The following ANKRD39 variants were observed in gnomAD, a reference collection of about 807,000 sequenced individuals.
ANKRD39 encodes ankyrin repeat domain 39.
ANKRD39 carries 18 observed loss-of-function variants against 20.3 expected under a neutral mutation model. The ratio of observed to expected loss-of-function variants is 0.89; its 90% CI spans 0.61 to 1.32. The LOEUF is 1.32. ANKRD39 is among the 40% of genes most tolerant of loss of function. The pLI, the probability that ANKRD39 is intolerant of heterozygous loss-of-function variation, is 0.00. For synonymous variants in ANKRD39, 106 were observed against 111.9 expected (o/e 0.95, Z 0.33); for missense variants, 243 against 250.7 (o/e 0.97, Z 0.21).
intron 1 of ANKRD39, among the ~76,000 whole-genome samples, chr2:96,857,615 G>A (rs967640673): frequency 6.6e-6 from 1 of 152,260 alleles, no homozygotes; most frequent in African/African-American, 2.4e-5. Flanking sequence ...TCTCCCAGGG[G>A]AGGTCGTCCC....
chr2:96,853,692 C>T lies in ANKRD39; in HGVS notation c.205-88G>A, dbSNP rs1370230357. 5.3e-6 allele frequency: 7 copies of T among 1,332,186 alleles called. No homozygotes were observed. In the East Asian group the frequency reaches 7.6e-5, roughly 14 times the overall value. 82.5% of individuals were successfully genotyped at this position (1,332,186 alleles called of 1,614,324 possible). A position where few individuals can be genotyped will look rare whatever the true frequency, so the allele number is the denominator to read the frequency against. On this transcript the variant is annotated intron_variant, in intron 2 of 3. Coordinates refer to ENST00000393537, the MANE Select transcript of ANKRD39 (RefSeq NM_016466.6). ...AGGTGAGAGCATGGCCTCCCTGCAG[C>T]GAGGGGCCTGGAATCATCTCAGGTG...
intron 1 of ANKRD39, among the ~76,000 whole-genome samples, chr2:96,855,994 A>C (rs774220945): frequency 2.1e-5 from 3 of 145,436 alleles, no homozygotes; most frequent in Admixed American, 1.3e-4. Flanking sequence ...ACAACAACAA[A>C]ACAACAACAA....
chr2:96,854,186 G>A (rs1330331187), intron 2 of ANKRD39, 152 bp downstream of exon 2: 3 of 744,698 alleles, frequency 4.0e-6, no homozygotes, highest in Admixed American at 5.0e-5. Flanking sequence ...AAAAAATCCA[G>A]GTTCATATGA....
Position 96,848,146 on chromosome 2 carries a change from A to G in ANKRD39, c.*155T>C. 1.0e-6 allele frequency: 1 copy of G among 996,750 alleles called. No homozygotes were observed. The highest frequency in any genetic ancestry group is 1.4e-6 in the Non-Finnish European group (1 of 695,852). 61.7% of individuals were successfully genotyped at this position (996,750 alleles called of 1,614,324 possible). A position where few individuals can be genotyped will look rare whatever the true frequency, so the allele number is the denominator to read the frequency against. ...GTCTTAAACACTTTTAGCCACACCAAATCTACTCCCTCGCTTCCACAGTGA... is the reference window on the plus strand; with the variant it reads ...GTCTTAAACACTTTTAGCCACACCAGATCTACTCCCTCGCTTCCACAGTGA... On this transcript the variant is annotated 3_prime_UTR_variant, in exon 4 of 4. Transcript: ENST00000393537.
rs2079839262 is a variant in ANKRD39 at position 96,851,845 on chromosome 2, CA to C, written c.408+1555del. On this transcript the variant is annotated intron_variant, in intron 3 of 3. Coordinates refer to ENST00000393537, the MANE Select transcript of ANKRD39 (RefSeq NM_016466.6). ...AAACGGGAGGGGAGAGGCACCCAGACAGGGGCTAACTTGTTAAATATGGCTC... is the reference window on the plus strand; with the variant it reads ...AAACGGGAGGGGAGAGGCACCCAGACGGGGCTAACTTGTTAAATATGGCTC... Among the ~76,000 whole-genome samples, 5 of 152,164 alleles carry C rather than the reference CA, an allele frequency of 3.3e-5. No individual in the cohort carries two copies. In the East Asian group the frequency reaches 7.7e-4, roughly 23 times the overall value.
chr2:96,849,065 G>A (rs2079824276), intron 3 of ANKRD39, among the ~76,000 whole-genome samples: 1 of 152,088 alleles, frequency 6.6e-6, no homozygotes, highest in Admixed American at 6.6e-5. Context: ...TCACCTAGAG[G>A]GTGCTGTGCA....
In ANKRD39 at chr2:96,853,479, A is replaced by G; in HGVS notation, c.330T>C (p.Thr110=). 6.2e-7 allele frequency: 1 copy of G among 1,610,322 alleles called. No homozygotes were observed. Among genetic ancestry groups the G allele is most frequent in the Non-Finnish European group, 8.5e-7 (1 of 1,178,398 alleles). The change falls in exon 3 of 4, where the codon ACT becomes ACC. Residue 110 remains threonine, a synonymous_variant. Transcript: ENST00000393537. Reference sequence around the variant, plus strand: ...GTGATAGCAGGAGCCGCGCGATTTCAGTGTGCCCGCAGTAGCTGGCTCGGT... The same window carrying G: ...GTGATAGCAGGAGCCGCGCGATTTCGGTGTGCCCGCAGTAGCTGGCTCGGT... ...ALHRASYCGH[T]EIARLLLSHG... is the part of the protein sequence containing the mutation.
At chr2:96,850,379 C>T (rs1037133736) in intron 3 of ANKRD39, among the ~76,000 whole-genome samples, 5 of 152,184 alleles carry the variant, frequency 3.3e-5, no homozygotes, top group African/African-American at 4.8e-5. Flanking sequence ...AAGACACATA[C>T]GCAGGCCAGG....
chr2:96,855,247 C>T (rs1487654688), intron 1 of ANKRD39, among the ~76,000 whole-genome samples: 1 of 152,070 alleles, frequency 6.6e-6, no homozygotes, highest in Non-Finnish European at 1.5e-5. Context: ...GGGATAGAAT[C>T]CACAAATCAA....
intron 3 of ANKRD39, among the ~76,000 whole-genome samples, chr2:96,851,277 CT>C (rs984444094): frequency 6.6e-6 from 1 of 152,174 alleles, no homozygotes; most frequent in Non-Finnish European, 1.5e-5. Context: ...CTGCCTCAGC[CT>C]CCTGAGTAGC....
intron 1 of ANKRD39, among the ~76,000 whole-genome samples, chr2:96,857,055 GGCT>G (rs904641326): frequency 5.9e-5 from 9 of 152,264 alleles, no homozygotes; most frequent in Admixed American, 2.0e-4. Context: ...AAGCCGCTCT[GGCT>G]GCTATGTGAG....
intron 1 of ANKRD39, among the ~76,000 whole-genome samples, chr2:96,856,726 C>G (rs2079867403): frequency 6.6e-6 from 1 of 152,154 alleles, no homozygotes; most frequent in African/African-American, 2.4e-5. Flanking sequence ...AGAACTGCCC[C>G]CAGTTGAGAA....
At chr2:96,854,267 C>A in intron 2 of ANKRD39, 71 bp downstream of exon 2, 1 of 1,454,960 alleles carries the variant, frequency 6.9e-7, no homozygotes, top group South Asian at 1.2e-5. Flanking sequence ...CATCAGTCCC[C>A]CTCCTCAGAG....
chr2:96,852,386 C>CA (rs1232527949), intron 3 of ANKRD39, among the ~76,000 whole-genome samples: 4,080 of 45,108 alleles, frequency 0.09, 499 homozygotes, highest in African/African-American at 0.25. Flanking sequence ...GACCCTGTCT[C>CA]AAAAAAAAAA....
chr2:96,857,953 C>A lies in ANKRD39; in HGVS notation c.35G>T (p.Cys12Phe). ...GAGCACCGCGCTGGGATGCGAGCAG[C>A]AGGGCCCGTCCGCGCAGGGCCGAGG... ...ATPRPCADGP[C>F]CSHPSAVLGV... The change falls in exon 1 of 4, where the codon TGC (cysteine) becomes TTC (phenylalanine). Residue 12 changes from cysteine (C) to phenylalanine (F), a missense_variant. Cys to Phe is a radical substitution (Grantham distance 205, BLOSUM62 -2). Coordinates refer to ENST00000393537, the MANE Select transcript of ANKRD39 (RefSeq NM_016466.6). 1 of 1,572,050 alleles carries A rather than the reference C, an allele frequency of 6.4e-7. No individual in the cohort carries two copies. Among genetic ancestry groups the A allele is most frequent in the Non-Finnish European group, 8.6e-7 (1 of 1,166,342 alleles).
At chr2:96,849,851 C>T (rs538605877) in intron 3 of ANKRD39, among the ~76,000 whole-genome samples, 27 of 152,262 alleles carry the variant, frequency 1.8e-4, no homozygotes, top group African/African-American at 6.0e-4. Context: ...CTCTTCTTCT[C>T]TTTTAAGGTA....
Position 96,857,957 on chromosome 2 carries a change from G to A in ANKRD39, c.31C>T (p.Pro11Ser), listed in dbSNP as rs2079874896. Residue 11 changes from proline (P) to serine (S), a missense_variant, in exon 1 of 4, where the codon CCC (proline) becomes TCC (serine). Physicochemically the swap from Pro to Ser is moderately conservative, Grantham distance 74 (BLOSUM62 -1). Transcript: ENST00000393537. ...ACCGCGCTGGGATGCGAGCAGCAGGGCCCGTCCGCGCAGGGCCGAGGCGTC... is the reference window on the plus strand; with the variant it reads ...ACCGCGCTGGGATGCGAGCAGCAGGACCCGTCCGCGCAGGGCCGAGGCGTC... MATPRPCADG[P>S]CCSHPSAVLG... The A allele has an allele frequency of 1.9e-6, 3 of 1,567,202 alleles. No homozygotes were observed. Among genetic ancestry groups the A allele is most frequent in the African/African-American group, 1.4e-5 (1 of 73,856 alleles).
At chr2:96,855,391 T>C (rs2079857571) in intron 1 of ANKRD39, among the ~76,000 whole-genome samples, 1 of 152,132 alleles carries the variant, frequency 6.6e-6, no homozygotes, top group South Asian at 2.1e-4. Flanking sequence ...AGAGAATTAG[T>C]GATTTGGAAT....
Position 96,848,398 on chromosome 2 carries a change from T to G in ANKRD39, c.455A>C (p.His152Pro). ...CCGGATGGCCTTCAGGGCTGGGCTG[T>G]GTTGCAGGAGGAGGGAGCAGATGTC... ...HGDICSLLLQ[H>P]SPALKAIRDR... Residue 152 changes from histidine (H) to proline (P), a missense_variant, in exon 4 of 4, where the codon CAC becomes CCC. Physicochemically the swap from His to Pro is moderately conservative, Grantham distance 77. Transcript: ENST00000393537. The G allele has an allele frequency of 6.2e-7, 1 of 1,614,174 alleles. No homozygotes were observed. Among genetic ancestry groups the G allele is most frequent in the East Asian group, 2.2e-5 (1 of 44,880 alleles).
Sources: allele counts gnomAD v4.1 joint callset (sites outside exome capture counted in the v4.1 genomes callset), GRCh38; gene constraint gnomAD v4.1.1; transcripts MANE v1.5; gene names NCBI Gene and HGNC (gene_info 2026-07-23, HGNC 2026-07-21).